Variants in QKI observed in about 807,000 individuals in gnomAD.
QKI encodes KH domain-containing RNA-binding protein QKI.
Under a neutral mutation model 39.0 loss-of-function variants are expected in QKI, and 10 were observed. The ratio of observed to expected loss-of-function variants is 0.26; its 90% CI spans 0.16 to 0.43. The LOEUF is 0.43. Ranked by LOEUF, QKI falls within the 20% of genes least tolerant of loss-of-function variation. The pLI is 1.00. For synonymous variants in QKI, 204 were observed against 155.4 expected (o/e 1.31, Z -2.33); for missense variants, 218 against 428.0 (o/e 0.51, Z 4.33).
chr6:163,508,618 C>G (rs986788469), intron 3 of QKI, among the ~76,000 whole-genome samples: 4 of 150,968 alleles, frequency 2.6e-5, no homozygotes, highest in African/African-American at 9.7e-5. Flanking sequence ...CAAGCTCCAC[C>G]TCCTGAGCTC....
chr6:163,568,331 C>G (rs191786810), intron 7 of QKI: 2 of 985,114 alleles, frequency 2.0e-6, no homozygotes, highest in South Asian at 4.7e-5. Context: ...TAATTATTGG[C>G]CTACTTAATA....
Position 163,434,710 on chromosome 6 carries a change from C to CA in QKI, c.142+19385dup, listed in dbSNP as rs111792775. On this transcript the variant is annotated intron_variant, in intron 1 of 7. Coordinates refer to ENST00000361752, the MANE Select transcript of QKI (RefSeq NM_006775.3). ...AGCCTGGGCAACAGTGTGAGACTCTCAAAAAAAAAATTAATAAATAAGATA... is the reference window on the plus strand; with the variant it reads ...AGCCTGGGCAACAGTGTGAGACTCTCAAAAAAAAAAATTAATAAATAAGATA... Among the ~76,000 whole-genome samples, 897 of 141,602 alleles carry CA rather than the reference C, an allele frequency of 6.3e-3. 4 individuals are homozygous for CA. Among genetic ancestry groups the CA allele is most frequent in the African/African-American group, 0.021 (808 of 38,374 alleles). 92.9% of individuals were successfully genotyped at this position (141,602 alleles called of 152,430 possible).
intron 2 of QKI, among the ~76,000 whole-genome samples, chr6:163,462,093 GA>G (rs891080848): frequency 6.6e-6 from 1 of 151,954 alleles, no homozygotes; most frequent in Non-Finnish European, 1.5e-5. Flanking sequence ...ATTTCATTGG[GA>G]AAAAATACAT....
intron 1 of QKI, among the ~76,000 whole-genome samples, chr6:163,425,403 C>G (rs1218597251): frequency 6.6e-6 from 1 of 152,170 alleles, no homozygotes; most frequent in Non-Finnish European, 1.5e-5. Flanking sequence ...AATACATAGT[C>G]TGAATTTTAT....
intron 1 of QKI, among the ~76,000 whole-genome samples, chr6:163,431,635 G>A (rs1470077463): frequency 2.0e-5 from 3 of 151,850 alleles, no homozygotes; most frequent in Admixed American, 6.6e-5. Flanking sequence ...CAGTAACACC[G>A]GTTGTTTTCT....
chr6:163,568,586 A>G (rs1007903656), intron 7 of QKI: 31 of 977,894 alleles, frequency 3.2e-5, no homozygotes, highest in Non-Finnish European at 3.6e-5. Flanking sequence ...TCCTTCACTT[A>G]AATTATTTTA....
chr6:163,512,213 A>C (rs1217679260), intron 3 of QKI, among the ~76,000 whole-genome samples: 3 of 152,036 alleles, frequency 2.0e-5, no homozygotes, highest in African/African-American at 7.2e-5. Flanking sequence ...TCGCCTTATG[A>C]AAAGACATAG....
chr6:163,508,958 GAGAAAC>G (rs75013217), intron 3 of QKI, among the ~76,000 whole-genome samples: 98,074 of 150,890 alleles, frequency 0.65, 32,961 homozygotes, highest in East Asian at 1. Context: ...GGCCAACATG[GAGAAAC>G]CCCAACTCTA....
chr6:163,577,343 G>A lies in QKI; in HGVS notation c.*6633G>A, dbSNP rs1408779573. ...AAGGTGTGTTTGGTTTGGCTTATAC[G>A]GTGTTTTGCTTTTTAAACTACTTGC... On this transcript the variant is annotated 3_prime_UTR_variant, in exon 8 of 8. Coordinates refer to ENST00000361752, the MANE Select transcript of QKI (RefSeq NM_006775.3). 1 of 151,880 alleles carries A rather than the reference G, an allele frequency of 6.6e-6. No homozygotes were observed. The highest frequency in any genetic ancestry group is 2.1e-4 in the South Asian group (1 of 4,808). 9.4% of individuals were successfully genotyped at this position (151,880 alleles called of 1,614,324 possible). A position where few individuals can be genotyped will look rare whatever the true frequency, so the allele number is the denominator to read the frequency against.
At chr6:163,482,501 G>C (rs1329442751) in intron 3 of QKI, among the ~76,000 whole-genome samples, 5 of 152,180 alleles carry the variant, frequency 3.3e-5, no homozygotes, top group African/African-American at 9.7e-5. Flanking sequence ...CTCCACTTCA[G>C]ATGCCAGTTA....
At chr6:163,425,644 A>G (rs1233851982) in intron 1 of QKI, among the ~76,000 whole-genome samples, 1 of 152,138 alleles carries the variant, frequency 6.6e-6, no homozygotes, top group African/African-American at 2.4e-5. Flanking sequence ...AGTTTTCTGT[A>G]TTTTAAACTC....
intron 1 of QKI, among the ~76,000 whole-genome samples, chr6:163,429,352 C>T (rs985183743): frequency 6.6e-6 from 1 of 152,090 alleles, no homozygotes; most frequent in South Asian, 2.1e-4. Flanking sequence ...AGTCCCCCCC[C>T]ACCAGTGTTT....
intron 1 of QKI, among the ~76,000 whole-genome samples, chr6:163,425,656 T>G (rs1359546065): frequency 6.6e-6 from 1 of 152,220 alleles, no homozygotes; most frequent in Non-Finnish European, 1.5e-5. Context: ...TTTAAACTCC[T>G]TAAAGATTTT....
chr6:163,544,393 C>T (rs916660743), intron 4 of QKI, among the ~76,000 whole-genome samples: 2 of 151,950 alleles, frequency 1.3e-5, no homozygotes, highest in South Asian at 2.1e-4. Context: ...ACCAGTTCCC[C>T]GCAGATAATG....
At chr6:163,482,799 T>C (rs1793177502) in intron 3 of QKI, among the ~76,000 whole-genome samples, 1 of 136,502 alleles carries the variant, frequency 7.3e-6, no homozygotes, top group Admixed American at 7.3e-5. Context: ...CCAAACCCCG[T>C]CCTTCTGTTT....
At chr6:163,519,524 G>A (rs963363308) in intron 3 of QKI, among the ~76,000 whole-genome samples, 1 of 151,560 alleles carries the variant, frequency 6.6e-6, no homozygotes, top group Non-Finnish European at 1.5e-5. Context: ...ATTGAAGGAC[G>A]TAAGACAAGT....
At chr6:163,488,977 T>C (rs1408959393) in intron 3 of QKI, among the ~76,000 whole-genome samples, 2 of 150,310 alleles carry the variant, frequency 1.3e-5, no homozygotes, top group East Asian at 1.9e-4. Flanking sequence ...CCATTTCTTT[T>C]TTTTTTTTTT....
intron 3 of QKI, among the ~76,000 whole-genome samples, chr6:163,520,086 T>C (rs1336384982): frequency 6.6e-6 from 1 of 152,160 alleles, no homozygotes. Context: ...ATTCTATAGT[T>C]ATATGGGTTG....
intron 2 of QKI, among the ~76,000 whole-genome samples, chr6:163,457,839 A>G (rs575901722): frequency 1.3e-5 from 2 of 152,282 alleles, no homozygotes; most frequent in East Asian, 3.9e-4. Flanking sequence ...TATAGCTGTA[A>G]TCAGTGTTAT....
Sources: allele counts gnomAD v4.1 joint callset (sites outside exome capture counted in the v4.1 genomes callset), GRCh38; gene constraint gnomAD v4.1.1; transcripts MANE v1.5; gene names NCBI Gene and HGNC (gene_info 2026-07-23, HGNC 2026-07-21).